SRPK2: variants seen among roughly 807,000 people sequenced by gnomAD.
The protein encoded by SRPK2 is SFRS protein kinase 2.
In SRPK2, 21 loss-of-function variants were observed where a neutral mutation model predicts 90.8. The ratio of observed to expected loss-of-function variants is 0.23; its 90% confidence interval spans 0.16 to 0.33. SRPK2 has a LOEUF of 0.33. SRPK2 is among the 10% of genes least tolerant of loss of function. SRPK2 has a pLI of 1.00. For synonymous variants in SRPK2, 288 were observed against 311.1 expected (o/e 0.93, Z 0.78); for missense variants, 620 against 869.0 (o/e 0.71, Z 3.60).
rs1790197050 is a variant in SRPK2 at position 105,167,267 on chromosome 7, A to G, written c.514+110T>C. ...CTTCATAATACTTGACAATGTTCCT[A>G]GAGTGTTTATGTTGAAGGTGATACA... On this transcript the variant is annotated intron_variant, in intron 6 of 15. Transcript: ENST00000393651. 5 of 826,528 alleles carry G rather than the reference A, an allele frequency of 6.0e-6. No homozygotes were observed. The South Asian group carries it at 7.7e-5, about 13-fold the overall frequency. 51.2% of individuals were successfully genotyped at this position (826,528 alleles called of 1,614,324 possible). A position where few individuals can be genotyped will look rare whatever the true frequency, so the allele number is the denominator to read the frequency against.
chr7:105,210,464 T>C (rs925611905), intron 2 of SRPK2, among the ~76,000 whole-genome samples: 4 of 152,224 alleles, frequency 2.6e-5, no homozygotes, highest in South Asian at 4.1e-4. Flanking sequence ...TCGGTCAATA[T>C]AGGTTGAGTA....
intron 2 of SRPK2, among the ~76,000 whole-genome samples, chr7:105,268,358 A>G (rs749497040): frequency 2.6e-5 from 4 of 152,186 alleles, no homozygotes; most frequent in Non-Finnish European, 5.9e-5. Context: ...CCCTTACCAT[A>G]TAAGAATAAA....
intron 2 of SRPK2, among the ~76,000 whole-genome samples, chr7:105,296,228 C>A (rs1250138721): frequency 6.6e-6 from 1 of 152,194 alleles, no homozygotes; most frequent in Non-Finnish European, 1.5e-5. Context: ...GTACTTTTCT[C>A]TATAAAAGAC....
chr7:105,386,963 T>G (rs1055528913), intron 2 of SRPK2, among the ~76,000 whole-genome samples: 2 of 152,190 alleles, frequency 1.3e-5, no homozygotes, highest in African/African-American at 4.8e-5. Context: ...TCACTAAGTC[T>G]TCATCAACAT....
intron 2 of SRPK2, among the ~76,000 whole-genome samples, chr7:105,260,028 A>T (rs1387577209): frequency 1.3e-5 from 2 of 152,188 alleles, no homozygotes; most frequent in African/African-American, 4.8e-5. Flanking sequence ...AAGTCAAAAT[A>T]GACAAATGGG....
chr7:105,152,397 A>T (rs1384239469), intron 7 of SRPK2, among the ~76,000 whole-genome samples: 3 of 152,070 alleles, frequency 2.0e-5, no homozygotes, highest in Non-Finnish European at 4.4e-5. Context: ...TGATCTACAC[A>T]TTTCGGCCTC....
At chr7:105,277,691 C>A (rs1166490279) in intron 2 of SRPK2, among the ~76,000 whole-genome samples, 3 of 152,118 alleles carry the variant, frequency 2.0e-5, no homozygotes, top group African/African-American at 7.2e-5. Context: ...AGAAATTCTG[C>A]AAAACATAAA....
At chr7:105,205,965 A>G in intron 2 of SRPK2, 1 of 519,078 alleles carries the variant, frequency 1.9e-6, no homozygotes, top group South Asian at 1.4e-5. Context: ...TGCTGTAGAA[A>G]CTACTTGAAG....
At chr7:105,119,945 G>T (rs1800091153) in intron 15 of SRPK2, among the ~76,000 whole-genome samples, 1 of 152,186 alleles carries the variant, frequency 6.6e-6, no homozygotes, top group Non-Finnish European at 1.5e-5. Flanking sequence ...GAAGATCATG[G>T]TACAACATTA....
chr7:105,387,646 T>C (rs1263257610), intron 2 of SRPK2, among the ~76,000 whole-genome samples: 2 of 152,166 alleles, frequency 1.3e-5, no homozygotes, highest in Non-Finnish European at 2.9e-5. Context: ...AAAATGTTTC[T>C]GGATTTTATT....
At chr7:105,198,949 G>A (rs144253248) in intron 3 of SRPK2, among the ~76,000 whole-genome samples, 56 of 152,246 alleles carry the variant, frequency 3.7e-4, no homozygotes, top group Middle Eastern at 3.4e-3. Flanking sequence ...AAGATAACGC[G>A]AGTAGGAACA....
intron 2 of SRPK2, among the ~76,000 whole-genome samples, chr7:105,302,571 A>G (rs931354263): frequency 9.9e-5 from 15 of 152,186 alleles, no homozygotes; most frequent in African/African-American, 3.6e-4. Flanking sequence ...TGCTTCAGAG[A>G]AATTTAAATG....
chr7:105,118,813 A>AG (rs1799924321), intron 15 of SRPK2, among the ~76,000 whole-genome samples: 1 of 152,076 alleles, frequency 6.6e-6, no homozygotes, highest in Non-Finnish European at 1.5e-5. Context: ...CAGGAGGCTG[A>AG]GGCAGGAGCA....
chr7:105,286,264 C>A (rs1473910200), intron 2 of SRPK2, among the ~76,000 whole-genome samples: 6 of 152,212 alleles, frequency 3.9e-5, no homozygotes, highest in African/African-American at 1.4e-4. Context: ...TGCAAACCTA[C>A]AAATCCAGTC....
At chr7:105,187,630 G>C (rs1793758398) in intron 3 of SRPK2, among the ~76,000 whole-genome samples, 1 of 152,016 alleles carries the variant, frequency 6.6e-6, no homozygotes, top group African/African-American at 2.4e-5. Flanking sequence ...TTATACCTCA[G>C]ACCATATAGC....
chr7:105,373,263 T>C (rs1334901406), intron 2 of SRPK2, among the ~76,000 whole-genome samples: 9 of 152,094 alleles, frequency 5.9e-5, no homozygotes, highest in African/African-American at 1.9e-4. Flanking sequence ...GCTAATGATA[T>C]CTGAAGGCCA....
chr7:105,396,457 G>A (rs1242141489), intron 1 of SRPK2, among the ~76,000 whole-genome samples: 2 of 151,718 alleles, frequency 1.3e-5, no homozygotes, highest in Non-Finnish European at 1.5e-5. Context: ...CTAACACGGC[G>A]AAATCTCATA....
chr7:105,167,717 A>T (rs1790264109), intron 5 of SRPK2, among the ~76,000 whole-genome samples: 1 of 151,854 alleles, frequency 6.6e-6, no homozygotes, highest in Non-Finnish European at 1.5e-5. Context: ...TTCAAGTGAT[A>T]CTCATGCCTC....
At chr7:105,261,535 A>T (rs1360518434) in intron 2 of SRPK2, among the ~76,000 whole-genome samples, 3 of 152,146 alleles carry the variant, frequency 2.0e-5, no homozygotes, top group Non-Finnish European at 4.4e-5. Context: ...CTCAAAAAAA[A>T]AAAGAAAGAA....
Sources: gnomAD v4.1 joint callset for allele counts (sites outside exome capture counted in the v4.1 genomes callset) on GRCh38, gnomAD v4.1.1 for gene constraint, MANE v1.5 for transcripts, NCBI Gene and HGNC (gene_info 2026-07-23, HGNC 2026-07-21) for gene names.